The following TMPRSS15 variants were observed in gnomAD, a reference collection of about 807,000 sequenced individuals.
TMPRSS15 encodes the protein enteropeptidase.
TMPRSS15 carries 128 observed loss-of-function variants against 125.3 expected under a neutral mutation model. The observed-to-expected ratio is 1.02, with a 90% CI of 0.89 to 1.18. The LOEUF is 1.18. Among genes scored for constraint, TMPRSS15 ranks in the 50% most tolerant of loss-of-function variants. The pLI, the probability that TMPRSS15 is intolerant of heterozygous loss-of-function variation, is 0.00. For synonymous variants in TMPRSS15, 446 were observed against 423.2 expected (o/e 1.05, Z -0.66); for missense variants, 1,283 against 1,212.7 (o/e 1.06, Z -0.86).
chr21:18,310,299 A>T (rs138106343), intron 18 of TMPRSS15, among the ~76,000 whole-genome samples: 1 of 152,164 alleles, frequency 6.6e-6, no homozygotes, highest in African/African-American at 2.4e-5. Flanking sequence ...ACATGATCTT[A>T]TCTACAGAAA....
At chr21:18,485,269 AATG>A (rs772092909) in intron 1 of TMPRSS15, among the ~76,000 whole-genome samples, 2 of 152,052 alleles carry the variant, frequency 1.3e-5, no homozygotes, top group African/African-American at 2.4e-5. Flanking sequence ...ATCTGTGAAT[AATG>A]ATAATTTTTT....
Position 18,329,296 on chromosome 21 carries a change from T to C in TMPRSS15, c.1655-2A>G, listed in dbSNP as rs777927429. 6 of 1,608,274 alleles carry C rather than the reference T, an allele frequency of 3.7e-6. No individual in the cohort carries two copies. Among genetic ancestry groups the C allele is most frequent in the Non-Finnish European group, 5.1e-6 (6 of 1,176,686 alleles). On this transcript the variant is annotated splice_acceptor_variant, in intron 14 of 24. Coordinates refer to ENST00000284885, the MANE Select transcript of TMPRSS15 (RefSeq NM_002772.3). LOFTEE classifies it high-confidence loss of function. ...TTTGTGCATTTAAAATCCAAACACC[T>C]AAAAAGTAAGAAGTAACATTTAATT...
intron 21 of TMPRSS15, among the ~76,000 whole-genome samples, chr21:18,285,667 C>T (rs191717703): frequency 6.6e-6 from 1 of 152,280 alleles, no homozygotes; most frequent in East Asian, 1.9e-4. Flanking sequence ...TCAAGAATAT[C>T]GGGCAATTCT....
chr21:18,433,885 T>C (rs1474841747), intron 1 of TMPRSS15, among the ~76,000 whole-genome samples: 1 of 152,058 alleles, frequency 6.6e-6, no homozygotes, highest in Non-Finnish European at 1.5e-5. Flanking sequence ...GAAAAATATC[T>C]GTCCTTCAGT....
At chr21:18,339,996 CAT>C (rs548208184) in intron 13 of TMPRSS15, among the ~76,000 whole-genome samples, 42 of 152,324 alleles carry the variant, frequency 2.8e-4, no homozygotes, top group African/African-American at 9.9e-4. Flanking sequence ...AGGAGTAACA[CAT>C]GAGTGGATCC....
chr21:18,394,110 C>T (rs1192392754), intron 3 of TMPRSS15, among the ~76,000 whole-genome samples: 1 of 152,040 alleles, frequency 6.6e-6, no homozygotes, highest in Non-Finnish European at 1.5e-5. Flanking sequence ...ATATGTTTTG[C>T]CTATTTTTTG....
intron 16 of TMPRSS15, among the ~76,000 whole-genome samples, chr21:18,321,336 G>C (rs1437451864): frequency 5.5e-5 from 8 of 144,890 alleles, no homozygotes. Context: ...AAGCAAAAAC[G>C]ATTTTTTTCC....
At chr21:18,434,008 A>G (rs2076222604) in intron 1 of TMPRSS15, among the ~76,000 whole-genome samples, 1 of 152,206 alleles carries the variant, frequency 6.6e-6, no homozygotes, top group African/African-American at 2.4e-5. Context: ...ATACAGGGGT[A>G]AGGAGCTCTT....
At chr21:18,334,146 G>T (rs549452201) in intron 13 of TMPRSS15, among the ~76,000 whole-genome samples, 1 of 152,104 alleles carries the variant, frequency 6.6e-6, no homozygotes, top group Non-Finnish European at 1.5e-5. Context: ...CCTTATTTAT[G>T]TAAGTCACTT....
Position 18,294,407 on chromosome 21 carries a change from T to C in TMPRSS15, c.2349A>G (p.Pro783=), listed in dbSNP as rs746126429. The C allele has an allele frequency of 5.6e-6, 9 of 1,614,108 alleles. No homozygotes were observed. Among genetic ancestry groups the C allele is most frequent in the Non-Finnish European group, 6.8e-6 (8 of 1,180,028 alleles). The change falls in exon 21 of 25, where the codon CCA becomes CCG. Residue 783 remains proline, a synonymous_variant. Transcript: ENST00000284885. ...GKKLAAQDIT[P]KIVGGSNAKE... Reference sequence around the variant, plus strand: ...TGGCATTACTTCCTCCAACAATCTTTGGGGTGATGTCTTGAGCTGCCAGTT... The same window carrying C: ...TGGCATTACTTCCTCCAACAATCTTCGGGGTGATGTCTTGAGCTGCCAGTT...
chr21:18,485,696 A>G (rs1396352962), intron 1 of TMPRSS15: 1 of 154,236 alleles, frequency 6.5e-6, no homozygotes, highest in Non-Finnish European at 1.4e-5. Flanking sequence ...TTTTGTCATA[A>G]TTTACTGTAA....
intron 23 of TMPRSS15, among the ~76,000 whole-genome samples, chr21:18,276,350 T>G (rs1315864950): frequency 6.6e-6 from 1 of 152,180 alleles, no homozygotes; most frequent in African/African-American, 2.4e-5. Flanking sequence ...ACTTCCACAA[T>G]GATCAATTTC....
rs561909921 is a variant in TMPRSS15, at chr21:18,330,400, A to G, written c.1655-1106T>C. ...AAGACTCTCCAGTGCTCTCAGAATA[A>G]ATTCAAACTTCATAACATGGTGTAA... is the stretch of plus-strand genomic sequence containing the variant. On this transcript the variant is annotated intron_variant, in intron 14 of 24. Coordinates refer to ENST00000284885, the MANE Select transcript of TMPRSS15 (RefSeq NM_002772.3). 1.9e-3 allele frequency among the ~76,000 whole-genome samples: 294 copies of G among 152,330 alleles called. 1 individual carries two copies. Among genetic ancestry groups the G allele is most frequent in the Non-Finnish European group, 3.3e-3 (223 of 68,028 alleles).
chr21:18,314,560 G>A (rs1371023514), intron 17 of TMPRSS15, among the ~76,000 whole-genome samples: 1 of 152,114 alleles, frequency 6.6e-6, no homozygotes, highest in African/African-American at 2.4e-5. Flanking sequence ...TTATAGGCGT[G>A]AGCCACTGCG....
intron 3 of TMPRSS15, among the ~76,000 whole-genome samples, chr21:18,391,395 T>A (rs1205614029): frequency 2.0e-5 from 3 of 152,232 alleles, no homozygotes; most frequent in South Asian, 2.1e-4. Context: ...TGGAAAAAAA[T>A]TTGGACAAAA....
upstream of TMPRSS15, among the ~76,000 whole-genome samples, chr21:18,407,341 T>C (rs2076154459): frequency 2.6e-5 from 4 of 152,062 alleles, no homozygotes; most frequent in Non-Finnish European, 5.9e-5. Flanking sequence ...AGGGGAGACA[T>C]AAGATTGAAG....
In TMPRSS15 at chr21:18,315,196, A is replaced by T. The variant is rs774988811; in HGVS notation, c.1982T>A (p.Leu661His). Reference protein sequence around the residue: ...KNGECVPLVNLCDGHLHCEDG... With the variant: ...KNGECVPLVNHCDGHLHCEDG... ...CTCACAGTGCAGATGACCGTCACAG[A>T]GATTCACCAGTGGAACACACTCTCC... Residue 661 changes from leucine (L) to histidine (H), a missense_variant, in exon 17 of 25, where the codon CTC becomes CAC. Coordinates refer to ENST00000284885, the MANE Select transcript of TMPRSS15 (RefSeq NM_002772.3). The T allele has an allele frequency of 2.9e-5, 46 of 1,613,818 alleles. 1 individual carries two copies. Among genetic ancestry groups the T allele is most frequent in the Non-Finnish European group, 3.9e-5 (46 of 1,180,006 alleles).
At chr21:18,368,988 G>A (rs552924543) in intron 6 of TMPRSS15, among the ~76,000 whole-genome samples, 24 of 152,088 alleles carry the variant, frequency 1.6e-4, no homozygotes, top group African/African-American at 5.8e-4. Context: ...AGCAGGATAG[G>A]TTTTCAGGAA....
Position 18,278,975 on chromosome 21 carries a change from A to G in TMPRSS15, c.2753T>C (p.Val918Ala). The G allele has an allele frequency of 6.6e-7, 1 of 1,526,288 alleles. No individual in the cohort carries two copies. Among genetic ancestry groups the G allele is most frequent in the Non-Finnish European group, 9.0e-7 (1 of 1,113,922 alleles). The allele number at this position is 1,526,288 out of a possible 1,614,324, so 94.5% of individuals were successfully genotyped here. The change falls in exon 23 of 25, where the codon GTT (valine) becomes GCT (alanine). Residue 918 changes from valine to alanine, a missense_variant. By Grantham distance (64) the Val-to-Ala change is moderately conservative. Coordinates refer to ENST00000284885, the MANE Select transcript of TMPRSS15 (RefSeq NM_002772.3). ...GTCTGATAATTTACCTTGATATACA[A>G]CCGTCCCCCAACCAGCAATAGAACA... ...RNCSIAGWGT[V>A]VYQGTTANIL... is the part of the protein sequence containing the mutation.
Sources: allele counts gnomAD v4.1 joint callset (sites outside exome capture counted in the v4.1 genomes callset), GRCh38; gene constraint gnomAD v4.1.1; transcripts MANE v1.5; gene names NCBI Gene and HGNC (gene_info 2026-07-23, HGNC 2026-07-21).